ROBO1: variants seen among roughly 807,000 people sequenced by gnomAD.
The protein encoded by ROBO1 is roundabout homolog 1.
In ROBO1, 149 loss-of-function variants were observed where a neutral mutation model predicts 195.9. The observed-to-expected ratio is 0.76, with a 90% CI of 0.67 to 0.87. The LOEUF is 0.87. Among genes scored for constraint, ROBO1 ranks in the 40% least tolerant of loss-of-function variants. ROBO1 has a pLI of 0.00. For missense variants in ROBO1, 1,933 were observed against 2,068.3 expected (o/e 0.93, Z 1.27); for synonymous variants, 816 against 733.2 (o/e 1.11, Z -1.82).
chr3:79,039,790 A>G (rs1218106414), intron 3 of ROBO1, among the ~76,000 whole-genome samples: 1 of 79,882 alleles, frequency 1.3e-5, no homozygotes, highest in Non-Finnish European at 2.7e-5. Flanking sequence ...CTACAAAGCA[A>G]GACTCCGTCT....
chr3:79,173,522 G>A (rs994382273), intron 2 of ROBO1, among the ~76,000 whole-genome samples: 5 of 151,996 alleles, frequency 3.3e-5, no homozygotes, highest in East Asian at 2.0e-4. Context: ...CAGCAGTGCC[G>A]GCCCACCGGG....
chr3:79,431,187 C>G (rs1160094687), intron 2 of ROBO1, among the ~76,000 whole-genome samples: 1 of 152,100 alleles, frequency 6.6e-6, no homozygotes, highest in Admixed American at 6.6e-5. Flanking sequence ...GCGTTAGAGA[C>G]AGAGCACCAG....
rs572702821 is a variant in ROBO1, at chr3:79,422,163, C to T, written c.88+167661G>A. 1.0e-3 allele frequency among the ~76,000 whole-genome samples: 153 copies of T among 147,528 alleles called. 1 individual carries two copies. The highest frequency in any genetic ancestry group is 3.5e-3 in the African/African-American group (141 of 40,618). On this transcript the variant is annotated intron_variant, in intron 2 of 30. Transcript: ENST00000464233. ...CATATTTTATGTATTATATACAATA[C>T]ATATCTTATGTATTATATATTATAT...
chr3:79,373,920 G>A (rs2036291425), intron 2 of ROBO1, among the ~76,000 whole-genome samples: 1 of 152,106 alleles, frequency 6.6e-6, no homozygotes, highest in Admixed American at 6.5e-5. Context: ...ATCCATTTAT[G>A]CTATTTTCCT....
chr3:79,069,226 T>G (rs552216049), intron 3 of ROBO1, among the ~76,000 whole-genome samples: 1 of 152,048 alleles, frequency 6.6e-6, no homozygotes, highest in South Asian at 2.1e-4. Context: ...AGTCCTCAAT[T>G]TATGCAAATT....
intron 3 of ROBO1, among the ~76,000 whole-genome samples, chr3:79,104,953 G>A (rs137917473): frequency 6.6e-6 from 1 of 151,864 alleles, no homozygotes; most frequent in Non-Finnish European, 1.5e-5. Flanking sequence ...AACGGCAGGT[G>A]TTTTTGGTAG....
chr3:79,523,587 C>T lies in ROBO1; in HGVS notation c.88+66237G>A, dbSNP rs537454889. Among the ~76,000 whole-genome samples the T allele has an allele frequency of 1.3e-4, 20 of 150,804 alleles. No homozygotes were observed. In the East Asian group the frequency reaches 3.9e-3, roughly 30 times the overall value. On this transcript the variant is annotated intron_variant, in intron 2 of 30. Coordinates refer to ENST00000464233, the MANE Select transcript of ROBO1 (RefSeq NM_002941.4). The stretch of plus-strand genomic sequence containing the variant: ...TCCTGGATTCAAGCTATTCTTCTGC[C>T]TCAGCCTCCCAAGTAGCTGGGATTA...
At chr3:78,681,733 C>T (rs1223221590) in intron 10 of ROBO1, among the ~76,000 whole-genome samples, 2 of 152,108 alleles carry the variant, frequency 1.3e-5, no homozygotes, top group Non-Finnish European at 2.9e-5. Context: ...TGAAACCCGT[C>T]TCTACTAAAA....
chr3:79,225,428 A>C (rs1293764656), intron 2 of ROBO1, among the ~76,000 whole-genome samples: 1 of 152,224 alleles, frequency 6.6e-6, no homozygotes, highest in African/African-American at 2.4e-5. Context: ...AACCAGTCCT[A>C]TAATTCTCCC....
rs559704780 is a variant in ROBO1 at position 78,712,223 on chromosome 3, T to C, written c.1045+2174A>G. Among the ~76,000 whole-genome samples the C allele has an allele frequency of 2.6e-5, 4 of 152,222 alleles. No homozygotes were observed. The South Asian group carries it at 8.3e-4, about 32-fold the overall frequency. Reference sequence around the variant, plus strand: ...AAAATTAAATACTCATTGTATGAGATGTGAGGGAGAGAAAGATTATGTTTG... The same window carrying C: ...AAAATTAAATACTCATTGTATGAGACGTGAGGGAGAGAAAGATTATGTTTG... On this transcript the variant is annotated intron_variant, in intron 8 of 30. Coordinates refer to ENST00000464233, the MANE Select transcript of ROBO1 (RefSeq NM_002941.4).
intron 3 of ROBO1, 80 bp downstream of exon 3, chr3:79,125,376 A>T: frequency 8.6e-7 from 1 of 1,166,764 alleles, no homozygotes; most frequent in South Asian, 1.3e-5. Context: ...GATTCGATTA[A>T]TTTTATACAG....
chr3:78,722,592 A>G (rs2082069078), intron 5 of ROBO1, among the ~76,000 whole-genome samples: 1 of 152,188 alleles, frequency 6.6e-6, no homozygotes, highest in Non-Finnish European at 1.5e-5. Context: ...AATAAGGTCA[A>G]CTAAATAGCA....
intron 1 of ROBO1, among the ~76,000 whole-genome samples, chr3:79,725,740 T>C (rs73126714): frequency 0.3 from 45,805 of 151,970 alleles, 6,987 homozygotes; most frequent in African/African-American, 0.33. Flanking sequence ...GTATGTCTTC[T>C]GTAATCTGCA....
chr3:78,809,987 T>TAA (rs57179877), intron 4 of ROBO1, among the ~76,000 whole-genome samples: 1,485 of 139,888 alleles, frequency 0.011, 21 homozygotes, highest in African/African-American at 0.034. Flanking sequence ...TAAAGTATAG[T>TAA]AAAAAAAAAA....
intron 3 of ROBO1, among the ~76,000 whole-genome samples, chr3:78,980,725 CT>C (rs569745452): frequency 2.2e-3 from 339 of 152,222 alleles, no homozygotes; most frequent in Non-Finnish European, 3.8e-3. Flanking sequence ...TTTCCTAGGT[CT>C]TTTTTCCCCC....
intron 2 of ROBO1, among the ~76,000 whole-genome samples, chr3:79,235,239 C>T (rs748004656): frequency 6.6e-6 from 1 of 152,068 alleles, no homozygotes; most frequent in Non-Finnish European, 1.5e-5. Context: ...AGTCTAAACA[C>T]ATTATTGAAT....
At chr3:79,391,138 A>G (rs1034185239) in intron 2 of ROBO1, among the ~76,000 whole-genome samples, 12 of 151,612 alleles carry the variant, frequency 7.9e-5, no homozygotes, top group Admixed American at 3.3e-4. Flanking sequence ...AAAAAAAAAA[A>G]AAAATTTGGC....
At chr3:79,222,186 G>C (rs1576834684) in intron 2 of ROBO1, among the ~76,000 whole-genome samples, 1 of 151,986 alleles carries the variant, frequency 6.6e-6, no homozygotes, top group East Asian at 1.9e-4. Flanking sequence ...TTATTTTCAA[G>C]ATGTTACTGC....
At chr3:79,449,553 A>C (rs920731355) in intron 2 of ROBO1, among the ~76,000 whole-genome samples, 3 of 152,182 alleles carry the variant, frequency 2.0e-5, no homozygotes, top group African/African-American at 7.2e-5. Flanking sequence ...AAATCAGATA[A>C]ATGAGTACAT....
Sources: allele counts gnomAD v4.1 joint callset (sites outside exome capture counted in the v4.1 genomes callset), GRCh38; gene constraint gnomAD v4.1.1; transcripts MANE v1.5; gene names NCBI Gene and HGNC (gene_info 2026-07-23, HGNC 2026-07-21).